The following STX8 variants were observed in gnomAD, a reference collection of about 807,000 sequenced individuals.
STX8 encodes syntaxin-8.
STX8 carries 23 observed loss-of-function variants against 37.5 expected under a neutral mutation model. The ratio of observed to expected loss-of-function variants is 0.61; its 90% CI spans 0.44 to 0.87. The LOEUF (loss-of-function observed/expected upper bound fraction) is 0.87, where lower values mean the gene tolerates loss of function less well. STX8 is among the 40% of genes least tolerant of loss of function. The pLI is 0.00. For missense variants in STX8, 313 were observed against 284.7 expected (o/e 1.10, Z -0.71); for synonymous variants, 115 against 99.1 (o/e 1.16, Z -0.95).
chr17:9,482,287 T>C (rs1391695102), intron 6 of STX8, among the ~76,000 whole-genome samples: 1 of 152,186 alleles, frequency 6.6e-6, no homozygotes. Flanking sequence ...TCTGTACTAT[T>C]TTTCTGGCTT....
chr17:9,297,431 G>C (rs531422668), intron 7 of STX8, among the ~76,000 whole-genome samples: 1 of 152,244 alleles, frequency 6.6e-6, no homozygotes, highest in African/African-American at 2.4e-5. Context: ...CAGGGCCAGA[G>C]GTGGCAACAA....
intron 7 of STX8, among the ~76,000 whole-genome samples, chr17:9,256,015 G>C (rs1906783815): frequency 6.6e-6 from 1 of 152,226 alleles, no homozygotes; most frequent in African/African-American, 2.4e-5. Context: ...TTTGAAGCCA[G>C]GGAAAGCTGA....
chr17:9,494,838 T>C (rs1159829159), intron 5 of STX8, among the ~76,000 whole-genome samples: 2 of 152,082 alleles, frequency 1.3e-5, no homozygotes, highest in Non-Finnish European at 2.9e-5. Context: ...GGTCATGTCT[T>C]TGTAAAAATT....
At chr17:9,561,903 G>A (rs1907249764) in intron 2 of STX8, among the ~76,000 whole-genome samples, 1 of 151,970 alleles carries the variant, frequency 6.6e-6, no homozygotes, top group Non-Finnish European at 1.5e-5. Flanking sequence ...TGGCTATACT[G>A]AAAAATCATT....
chr17:9,345,848 C>CTTTTTTTTTTTTTCTTTTTTTTTTTTT (rs1910513158), intron 7 of STX8, among the ~76,000 whole-genome samples: 1 of 52,076 alleles, frequency 1.9e-5, no homozygotes, highest in Non-Finnish European at 3.4e-5. Context: ...TTATGCATTC[C>CTTTTTTTTTTTTTCTTTTTTTTTTTTT]TTTTTTTTTT....
intron 6 of STX8, among the ~76,000 whole-genome samples, chr17:9,441,417 G>T (rs1183634278): frequency 2.0e-5 from 3 of 149,746 alleles, no homozygotes; most frequent in Admixed American, 1.3e-4. Flanking sequence ...TTGAACCCAG[G>T]AGGCAGAGGT....
intron 6 of STX8, among the ~76,000 whole-genome samples, chr17:9,445,961 G>A (rs1467183434): frequency 9.4e-5 from 14 of 149,326 alleles, no homozygotes; most frequent in African/African-American, 2.7e-4. Flanking sequence ...TCGGCCTCCC[G>A]AGTAGCTGGG....
At chr17:9,444,114 T>C (rs1904755887) in intron 6 of STX8, among the ~76,000 whole-genome samples, 1 of 151,900 alleles carries the variant, frequency 6.6e-6, no homozygotes, top group Admixed American at 6.6e-5. Context: ...CTCATCCCAT[T>C]CTTTATTCAC....
intron 6 of STX8, among the ~76,000 whole-genome samples, chr17:9,444,143 TTC>T (rs1255114738): frequency 1.2e-5 from 1 of 84,614 alleles, no homozygotes; most frequent in Admixed American, 1.1e-4. Context: ...TCGCACATTC[TTC>T]TCTCTTTCTC....
At chr17:9,287,295 G>C (rs1382520356) in intron 7 of STX8, among the ~76,000 whole-genome samples, 2 of 152,100 alleles carry the variant, frequency 1.3e-5, no homozygotes, top group Non-Finnish European at 2.9e-5. Flanking sequence ...ACTAGTTAAA[G>C]ACTATATGAG....
chr17:9,378,691 AC>A (rs1443084245), intron 6 of STX8, 38 bp from the exon 7 acceptor site: 1 of 1,462,342 alleles, frequency 6.8e-7, no homozygotes, highest in Non-Finnish European at 9.6e-7. Context: ...TTCCTGAAAT[AC>A]CCCGGTTCAC....
intron 7 of STX8, among the ~76,000 whole-genome samples, chr17:9,338,028 C>A (rs1910193626): frequency 6.9e-6 from 1 of 143,900 alleles, no homozygotes; most frequent in African/African-American, 2.6e-5. Flanking sequence ...ATTCTGAGGG[C>A]TTTGGGGCAC....
In STX8 at chr17:9,555,854, C is replaced by T. The variant is rs544973625; in HGVS notation, c.212+1580G>A. On this transcript the variant is annotated intron_variant, in intron 3 of 7. Transcript: ENST00000306357. ...GAGCTTGCAGTGAGCTGAGATCGCA[C>T]CGCTGCACTCCAGCCTGGGCAACAG... Among the ~76,000 whole-genome samples, 4 of 151,474 alleles carry T rather than the reference C, an allele frequency of 2.6e-5. No individual in the cohort carries two copies. The East Asian group carries it at 5.8e-4, about 22-fold the overall frequency.
At chr17:9,382,401 A>T (rs1911855128) in intron 6 of STX8, among the ~76,000 whole-genome samples, 1 of 152,220 alleles carries the variant, frequency 6.6e-6, no homozygotes, top group Admixed American at 6.5e-5. Flanking sequence ...AAACTTTTCA[A>T]TTAAAAGACA....
chr17:9,304,228 A>G (rs543210987), intron 7 of STX8, among the ~76,000 whole-genome samples: 2 of 152,300 alleles, frequency 1.3e-5, no homozygotes, highest in African/African-American at 4.8e-5. Context: ...ACAAAAGAGT[A>G]GCCGGGTGCT....
chr17:9,441,795 C>A (rs1367074669), intron 6 of STX8, among the ~76,000 whole-genome samples: 3 of 151,442 alleles, frequency 2.0e-5, no homozygotes, highest in Non-Finnish European at 2.9e-5. Flanking sequence ...CCTGCCTCAG[C>A]CTCCCAAGTA....
chr17:9,567,629 T>A (rs1907513574), intron 2 of STX8, among the ~76,000 whole-genome samples: 1 of 152,236 alleles, frequency 6.6e-6, no homozygotes, highest in African/African-American at 2.4e-5. Context: ...CACAAAAATC[T>A]ATTTCTTAGC....
At chr17:9,451,537 C>T (rs1288923805) in intron 6 of STX8, among the ~76,000 whole-genome samples, 2 of 152,132 alleles carry the variant, frequency 1.3e-5, no homozygotes, top group African/African-American at 4.8e-5. Context: ...ATATTATATA[C>T]TTTGCATTCA....
chr17:9,362,615 A>G (rs1164757911), intron 7 of STX8, among the ~76,000 whole-genome samples: 1 of 152,012 alleles, frequency 6.6e-6, no homozygotes, highest in African/African-American at 2.4e-5. Context: ...ACAGGAGTCT[A>G]AGACCAGACT....
Sources: gnomAD v4.1 joint callset for allele counts (sites outside exome capture counted in the v4.1 genomes callset) on GRCh38, gnomAD v4.1.1 for gene constraint, MANE v1.5 for transcripts, NCBI Gene and HGNC (gene_info 2026-07-23, HGNC 2026-07-21) for gene names.